Variants in CFAP44 observed in about 807,000 individuals in gnomAD.
The protein encoded by CFAP44 is cilia- and flagella-associated protein 44.
A neutral mutation model predicts 216.2 loss-of-function variants in CFAP44; 134 were observed. That is an observed-to-expected ratio of 0.62 (90% CI 0.54 to 0.72). The LOEUF (loss-of-function observed/expected upper bound fraction) is 0.72, where lower values mean the gene tolerates loss of function less well. Ranked by LOEUF, CFAP44 falls within the 30% of genes least tolerant of loss-of-function variation. The pLI is 0.00. For synonymous variants in CFAP44, 700 were observed against 727.6 expected (o/e 0.96, Z 0.61); for missense variants, 2,035 against 2,182.1 (o/e 0.93, Z 1.34).
chr3:113,409,510 G>C (rs1373393736), intron 6 of CFAP44, among the ~76,000 whole-genome samples, 188 bp from the exon 7 acceptor site: 1 of 152,100 alleles, frequency 6.6e-6, no homozygotes, highest in Non-Finnish European at 1.5e-5. Context: ...GAAAGGGGAG[G>C]GTAAAGAAGT....
At chr3:113,396,429 A>G in intron 14 of CFAP44, 89 bp downstream of exon 14, 1 of 1,355,682 alleles carries the variant, frequency 7.4e-7, no homozygotes, top group East Asian at 2.4e-5. Flanking sequence ...AATGAATTTC[A>G]GTAAATAAGA....
At chr3:113,319,624 A>G (rs1268598843) in intron 28 of CFAP44, among the ~76,000 whole-genome samples, 1 of 151,758 alleles carries the variant, frequency 6.6e-6, no homozygotes, top group Non-Finnish European at 1.5e-5. Flanking sequence ...CCAACAACTT[A>G]GAATATACAT....
At chr3:113,353,501 A>C (rs1414124105) in intron 22 of CFAP44, among the ~76,000 whole-genome samples, 1 of 148,432 alleles carries the variant, frequency 6.7e-6, no homozygotes, top group Admixed American at 6.7e-5. Flanking sequence ...CACACACAAA[A>C]CTTATATATA....
chr3:113,311,538 T>C (rs1950038405), intron 28 of CFAP44, among the ~76,000 whole-genome samples: 1 of 152,194 alleles, frequency 6.6e-6, no homozygotes, highest in Non-Finnish European at 1.5e-5. Context: ...TCCCCAGCCA[T>C]GTGGAAGTGT....
intron 25 of CFAP44, among the ~76,000 whole-genome samples, chr3:113,333,100 C>T (rs1444446858): frequency 6.6e-6 from 1 of 152,130 alleles, no homozygotes; most frequent in Non-Finnish European, 1.5e-5. Context: ...ACCAGATATC[C>T]TTGATGACCC....
At chr3:113,361,838 C>A (rs1950544312) in intron 21 of CFAP44, among the ~76,000 whole-genome samples, 1 of 148,378 alleles carries the variant, frequency 6.7e-6, no homozygotes, top group Non-Finnish European at 1.5e-5. Context: ...ATTTTGAAGA[C>A]CTGCTATTCT....
chr3:113,330,530 G>C lies in CFAP44; in HGVS notation c.3754C>G (p.Pro1252Ala), dbSNP rs532485034. ...QSTLHISKHI[P>A]IPKIPQIHPE... ...TGTATCTGAGGAATTTTGGGAATGG[G>C]TATGTGCTTGGATATGTGAAGAGTC... Residue 1252 changes from proline to alanine, a missense_variant, in exon 26 of 35, where the codon CCC (proline) becomes GCC (alanine). Coordinates refer to ENST00000393845, the MANE Select transcript of CFAP44 (RefSeq NM_001164496.2). 1 of 1,537,212 alleles carries C rather than the reference G, an allele frequency of 6.5e-7. No homozygotes were observed. The highest frequency in any genetic ancestry group is 2.4e-5 in the East Asian group (1 of 40,916).
At chr3:113,338,001 A>T (rs921570424) in intron 24 of CFAP44, among the ~76,000 whole-genome samples, 1 of 151,946 alleles carries the variant, frequency 6.6e-6, no homozygotes, top group Non-Finnish European at 1.5e-5. Context: ...AGTGGTTCAC[A>T]CCTGTATTCC....
chr3:113,349,410 T>C (rs917433877), intron 22 of CFAP44, among the ~76,000 whole-genome samples: 1 of 152,078 alleles, frequency 6.6e-6, no homozygotes, highest in Non-Finnish European at 1.5e-5. Flanking sequence ...AAGAGGAACA[T>C]GCCGAAAAGG....
At chr3:113,345,104 T>C (rs1304626591) in intron 22 of CFAP44, among the ~76,000 whole-genome samples, 1 of 148,378 alleles carries the variant, frequency 6.7e-6, no homozygotes, top group Non-Finnish European at 1.5e-5. Context: ...TGTATATATA[T>C]CTATACATAT....
At chr3:113,438,003 T>C (rs80051929) in intron 1 of CFAP44, among the ~76,000 whole-genome samples, 3,910 of 152,262 alleles carry the variant, frequency 0.026, 65 homozygotes, top group East Asian at 0.053. Context: ...ATCTTTTATA[T>C]ACAGAGTTCT....
intron 6 of CFAP44, among the ~76,000 whole-genome samples, chr3:113,414,493 G>T (rs1934586102): frequency 1.3e-5 from 2 of 152,146 alleles, no homozygotes; most frequent in Non-Finnish European, 2.9e-5. Flanking sequence ...ATTGGCTGTG[G>T]GTTTGTCATA....
At chr3:113,389,627 G>C (rs1172479346) in intron 15 of CFAP44, among the ~76,000 whole-genome samples, 2 of 151,728 alleles carry the variant, frequency 1.3e-5, no homozygotes, top group African/African-American at 4.8e-5. Context: ...AACAAAATAA[G>C]AGAGAGAAGC....
rs557113966 is a variant in CFAP44, at chr3:113,288,153, G to T, written c.*3404C>A. 1 of 152,246 alleles carries T rather than the reference G, an allele frequency of 6.6e-6. No individual in the cohort carries two copies. The highest frequency in any genetic ancestry group is 1.9e-4 in the East Asian group (1 of 5,184). The allele number at this position is 152,246 out of a possible 1,614,324, so 9.4% of individuals were successfully genotyped here. On this transcript the variant is annotated 3_prime_UTR_variant, in exon 35 of 35. Transcript: ENST00000393845. ...ATGAAATGCCACTTGAGACAATCTC[G>T]TTAAGTGGGGGGCCAGACCCTGGCT... is the stretch of plus-strand genomic sequence containing the variant.
At chr3:113,326,342 T>G in intron 28 of CFAP44, 103 bp downstream of exon 28, 2 of 1,083,236 alleles carry the variant, frequency 1.8e-6, no homozygotes, top group African/African-American at 1.6e-5. Flanking sequence ...ACATTGTCCA[T>G]GTTATAGTGA....
chr3:113,341,937 T>C lies in CFAP44; in HGVS notation c.3263-19A>G. 2.0e-6 allele frequency: 3 copies of C among 1,491,242 alleles called. No homozygotes were observed. Among genetic ancestry groups the C allele is most frequent in the Non-Finnish European group, 2.6e-6 (3 of 1,134,582 alleles). 92.4% of individuals were successfully genotyped at this position (1,491,242 alleles called of 1,614,324 possible). ...CTCCCACCTACATAGAGAATCAACA[T>C]TTTTCAGCCTTTTTGAGACATAAAA... On this transcript the variant is annotated intron_variant, in intron 23 of 34. Transcript: ENST00000393845.
At chr3:113,419,149 C>T (rs1164397104) in intron 5 of CFAP44, among the ~76,000 whole-genome samples, 1 of 152,272 alleles carries the variant, frequency 6.6e-6, no homozygotes, top group South Asian at 2.1e-4. Flanking sequence ...GTTTCTTGGT[C>T]CCCTGCAGAT....
intron 32 of CFAP44, among the ~76,000 whole-genome samples, chr3:113,298,803 G>A (rs1949906538): frequency 6.6e-6 from 1 of 152,194 alleles, no homozygotes; most frequent in African/African-American, 2.4e-5. Flanking sequence ...CACAGAGACA[G>A]AAAGTAGAGT....
intron 18 of CFAP44, among the ~76,000 whole-genome samples, chr3:113,371,597 T>G (rs947282941): frequency 6.6e-6 from 1 of 152,154 alleles, no homozygotes; most frequent in African/African-American, 2.4e-5. Flanking sequence ...GATTAAAGAC[T>G]TAAATGTAAG....
Sources: gnomAD v4.1 joint callset for allele counts (sites outside exome capture counted in the v4.1 genomes callset) on GRCh38, gnomAD v4.1.1 for gene constraint, MANE v1.5 for transcripts, NCBI Gene and HGNC (gene_info 2026-07-23, HGNC 2026-07-21) for gene names.